The following FGD6 variants were observed in gnomAD, a reference collection of about 807,000 sequenced individuals.
FGD6 encodes the protein FYVE, RhoGEF and PH domain-containing protein 6.
In FGD6, 90 loss-of-function variants were observed where a neutral mutation model predicts 149.4. That is an observed-to-expected ratio of 0.60 (90% CI 0.51 to 0.72). The LOEUF (loss-of-function observed/expected upper bound fraction) is 0.72, where lower values mean the gene tolerates loss of function less well. Ranked by LOEUF, FGD6 falls within the 30% of genes least tolerant of loss-of-function variation. FGD6 has a pLI of 0.00. For missense variants in FGD6, 1,437 were observed against 1,684.8 expected (o/e 0.85, Z 2.57); for synonymous variants, 527 against 584.0 (o/e 0.90, Z 1.41).
chr12:95,106,849 G>A (rs1878640623), intron 13 of FGD6, 105 bp downstream of exon 13: 6 of 886,084 alleles, frequency 6.8e-6, no homozygotes, highest in African/African-American at 1.7e-5. Flanking sequence ...AGCCAAGATT[G>A]TACCACTGCA....
chr12:95,183,542 A>G (rs551996298), intron 2 of FGD6, among the ~76,000 whole-genome samples: 2 of 152,300 alleles, frequency 1.3e-5, no homozygotes, highest in South Asian at 4.1e-4. Flanking sequence ...AACGGGGTGA[A>G]GAGGAGGTAA....
intron 3 of FGD6, among the ~76,000 whole-genome samples, chr12:95,163,684 T>C (rs1436344490): frequency 3.9e-5 from 6 of 152,240 alleles, no homozygotes; most frequent in African/African-American, 1.4e-4. Flanking sequence ...CTAAAAGCTT[T>C]AATCACATAA....
Position 95,210,067 on chromosome 12 carries a change from T to C in FGD6, c.1217A>G (p.Asn406Ser), listed in dbSNP as rs557140275. Residue 406 changes from asparagine (N) to serine (S), a missense_variant, in exon 2 of 21, where the codon AAT becomes AGT. Around this residue, in one of 2 missense-constraint regions of FGD6, gnomAD observed 1,055 missense variants for 1,146.0 expected, o/e 0.92. Coordinates refer to ENST00000343958, the MANE Select transcript of FGD6 (RefSeq NM_018351.4). ...DLVNSQKAMC[N>S]ETTSFEKMAP... ...CATTTTTTCAAAGGAAGTTGTTTCA[T>C]TACACATGGCTTTCTGTGAATTGAC... 1.2e-6 allele frequency: 2 copies of C among 1,614,146 alleles called. No individual in the cohort carries two copies. The highest frequency in any genetic ancestry group is 1.7e-6 in the Non-Finnish European group (2 of 1,180,028).
chr12:95,217,447 G>T lies in FGD6; in HGVS notation c.-207C>A. ...GCGCTCCCGGGCGCGAGCCGCCGGG[G>T]TCGGGCGGGCGAGCACTAGCACCGC... On this transcript the variant is annotated 5_prime_UTR_variant, in exon 1 of 21. Transcript: ENST00000343958. 1 of 746,968 alleles carries T rather than the reference G, an allele frequency of 1.3e-6. No homozygotes were observed. Among genetic ancestry groups the T allele is most frequent in the Non-Finnish European group, 2.0e-6 (1 of 511,278 alleles). The allele number at this position is 746,968 out of a possible 1,614,324, so 46.3% of individuals were successfully genotyped here.
chr12:95,182,221 T>C (rs1881302994), intron 2 of FGD6, among the ~76,000 whole-genome samples: 1 of 8,868 alleles, frequency 1.1e-4, no homozygotes, highest in Non-Finnish European at 2.3e-4. Flanking sequence ...GTATACATAC[T>C]TTTTTTTTTT....
intron 8 of FGD6, among the ~76,000 whole-genome samples, chr12:95,120,344 T>A (rs184198476): frequency 7.2e-5 from 11 of 151,916 alleles, no homozygotes; most frequent in South Asian, 2.1e-4. Context: ...TTATTTATTT[T>A]TTATTTTTTT....
chr12:95,190,845 G>A (rs940680395), intron 2 of FGD6, among the ~76,000 whole-genome samples: 1 of 152,106 alleles, frequency 6.6e-6, no homozygotes, highest in Non-Finnish European at 1.5e-5. Context: ...GAGGCCAGGA[G>A]TTTGAGACCA....
chr12:95,113,601 A>T, intron 9 of FGD6, 50 bp downstream of exon 9: 1 of 1,334,264 alleles, frequency 7.5e-7, no homozygotes, highest in Non-Finnish European at 1.1e-6. Context: ...TTCTAGCCCT[A>T]CCTAAATAAA....
At chr12:95,101,542 A>G (rs190222777) in intron 14 of FGD6, among the ~76,000 whole-genome samples, 4 of 152,326 alleles carry the variant, frequency 2.6e-5, no homozygotes, top group African/African-American at 7.2e-5. Context: ...TACTTGGGAA[A>G]TAGAAGTGCA....
chr12:95,201,465 T>C (rs1293345376), intron 2 of FGD6, among the ~76,000 whole-genome samples: 3 of 152,226 alleles, frequency 2.0e-5, no homozygotes, highest in Admixed American at 2.0e-4. Flanking sequence ...AATATGTTCT[T>C]GTGGGCGGGC....
At chr12:95,104,725 G>A (rs989722008) in intron 14 of FGD6, among the ~76,000 whole-genome samples, 4 of 152,098 alleles carry the variant, frequency 2.6e-5, no homozygotes, top group African/African-American at 9.7e-5. Context: ...TTACAGGGGT[G>A]AGCTACCACA....
chr12:95,117,349 C>G (rs1879047148), intron 8 of FGD6, among the ~76,000 whole-genome samples: 1 of 152,134 alleles, frequency 6.6e-6, no homozygotes, highest in Non-Finnish European at 1.5e-5. Flanking sequence ...ATCACCATCA[C>G]CCAACATGAG....
intron 8 of FGD6, among the ~76,000 whole-genome samples, chr12:95,114,346 C>T (rs547593590): frequency 6.6e-6 from 1 of 151,820 alleles, no homozygotes; most frequent in South Asian, 2.1e-4. Context: ...TGGCTGATGC[C>T]TGTAATCCTA....
intron 18 of FGD6, among the ~76,000 whole-genome samples, chr12:95,088,367 C>A (rs1311742785): frequency 6.6e-6 from 1 of 151,990 alleles, no homozygotes; most frequent in Admixed American, 6.6e-5. Flanking sequence ...CCCACAGGTA[C>A]CCCAGAAGCA....
chr12:95,114,068 A>C (rs920547659), intron 8 of FGD6, among the ~76,000 whole-genome samples: 1 of 152,210 alleles, frequency 6.6e-6, no homozygotes. Context: ...TAATCTTGAG[A>C]TCAGACACAC....
chr12:95,140,863 C>T lies in FGD6; in HGVS notation c.2837+525G>A, dbSNP rs74414244. ...GCATCTTGCTTCTGAGGCAGGATTA[C>T]GAAAGATTTGTTTAAAATAATAGTA... On this transcript the variant is annotated intron_variant, in intron 6 of 20. Coordinates refer to ENST00000343958, the MANE Select transcript of FGD6 (RefSeq NM_018351.4). Among the ~76,000 whole-genome samples, 1,412 of 152,168 alleles carry T rather than the reference C, an allele frequency of 9.3e-3. 22 individuals carry two copies. The highest frequency in any genetic ancestry group is 0.032 in the African/African-American group (1,335 of 41,494).
intron 5 of FGD6, among the ~76,000 whole-genome samples, chr12:95,145,966 G>A (rs986108002): frequency 1.2e-4 from 19 of 152,112 alleles, no homozygotes; most frequent in Non-Finnish European, 2.5e-4. Flanking sequence ...GAGCCACTGC[G>A]CCAGGCCCCC....
At chr12:95,192,416 C>T (rs1881617402) in intron 2 of FGD6, among the ~76,000 whole-genome samples, 1 of 152,044 alleles carries the variant, frequency 6.6e-6, no homozygotes, top group Admixed American at 6.6e-5. Context: ...TTTATTATAC[C>T]ATAAACAGGA....
At chr12:95,157,921 C>T (rs978540173) in intron 3 of FGD6, among the ~76,000 whole-genome samples, 6 of 152,252 alleles carry the variant, frequency 3.9e-5, no homozygotes, top group Admixed American at 3.3e-4. Context: ...AATCTCAGCT[C>T]ACTGTAACCT....
Sources: allele counts gnomAD v4.1 joint callset (sites outside exome capture counted in the v4.1 genomes callset), GRCh38; gene constraint gnomAD v4.1.1; regional missense constraint gnomAD v4.1.1; transcripts MANE v1.5; gene names NCBI Gene and HGNC (gene_info 2026-07-23, HGNC 2026-07-21).